The following KSR1 variants were observed in gnomAD, a reference collection of about 807,000 sequenced individuals.
KSR1 encodes the protein kinase suppressor of ras.
A neutral mutation model predicts 92.9 loss-of-function variants in KSR1; 35 were observed. The observed-to-expected ratio is 0.38, with a 90% confidence interval of 0.29 to 0.50. The LOEUF (loss-of-function observed/expected upper bound fraction) is 0.50. KSR1 is among the 20% of genes least tolerant of loss of function. KSR1 has a pLI of 0.94. For synonymous variants in KSR1, 467 were observed against 472.6 expected (o/e 0.99, Z 0.15); for missense variants, 972 against 1,158.5 (o/e 0.84, Z 2.34).
rs73983477 is a variant in KSR1 at position 27,573,139 on chromosome 17, C to G, written c.373-4353C>G. Reference sequence around the variant, plus strand: ...TCAGATTCTTCCCATGGGGTCTCCGCGCTTAGGCCTGGAAGCCCCATGTTC... The same window carrying G: ...TCAGATTCTTCCCATGGGGTCTCCGGGCTTAGGCCTGGAAGCCCCATGTTC... On this transcript the variant is annotated intron_variant, in intron 2 of 20. Coordinates refer to ENST00000644974, the MANE Select transcript of KSR1 (RefSeq NM_001394583.1). Among the ~76,000 whole-genome samples, 247 of 152,330 alleles carry G rather than the reference C, an allele frequency of 1.6e-3. 1 individual carries two copies. The highest frequency in any genetic ancestry group is 5.6e-3 in the African/African-American group (231 of 41,564).
At chr17:27,462,688 T>G (rs546442292) in intron 1 of KSR1, among the ~76,000 whole-genome samples, 11 of 152,342 alleles carry the variant, frequency 7.2e-5, no homozygotes, top group African/African-American at 2.2e-4. Flanking sequence ...TACTTTTAAT[T>G]AAAATATTTA....
intron 1 of KSR1, among the ~76,000 whole-genome samples, chr17:27,547,777 A>T (rs2071233930): frequency 1.3e-5 from 2 of 152,080 alleles, no homozygotes. Context: ...CAGTGGCATG[A>T]TCTTGGCTTC....
At chr17:27,560,729 A>C (rs2071794981) in intron 2 of KSR1, among the ~76,000 whole-genome samples, 1 of 152,188 alleles carries the variant, frequency 6.6e-6, no homozygotes, top group Non-Finnish European at 1.5e-5. Flanking sequence ...TTGAGTCGGC[A>C]TGACTATGGC....
chr17:27,549,621 A>C (rs116215492), intron 1 of KSR1, among the ~76,000 whole-genome samples: 1,656 of 152,318 alleles, frequency 0.011, 34 homozygotes, highest in African/African-American at 0.037. Context: ...TAGAAAATAC[A>C]CAGACTTGCA....
chr17:27,534,153 G>A (rs1351309140), intron 1 of KSR1, among the ~76,000 whole-genome samples: 3 of 152,300 alleles, frequency 2.0e-5, no homozygotes, highest in Admixed American at 6.5e-5. Flanking sequence ...AGTTTGGCTC[G>A]GGTGTGCCCA....
At chr17:27,510,890 T>C (rs1378198017) in intron 1 of KSR1, among the ~76,000 whole-genome samples, 1 of 152,226 alleles carries the variant, frequency 6.6e-6, no homozygotes, top group East Asian at 1.9e-4. Flanking sequence ...CAGAGTTATC[T>C]TGGTATGGAG....
intron 1 of KSR1, among the ~76,000 whole-genome samples, chr17:27,534,897 T>C (rs1201583072): frequency 1.3e-5 from 2 of 152,196 alleles, no homozygotes; most frequent in African/African-American, 4.8e-5. Context: ...CCATATCTCC[T>C]TCCTCTGACC....
At chr17:27,552,277 C>T (rs2071422911) in intron 2 of KSR1, among the ~76,000 whole-genome samples, 1 of 152,230 alleles carries the variant, frequency 6.6e-6, no homozygotes, top group South Asian at 2.1e-4. Context: ...CACCATGAGA[C>T]ACGGCCTTGC....
At chr17:27,469,920 T>C (rs1215260989) in intron 1 of KSR1, among the ~76,000 whole-genome samples, 2 of 152,132 alleles carry the variant, frequency 1.3e-5, no homozygotes, top group African/African-American at 4.8e-5. Flanking sequence ...TTTATTTTTG[T>C]TCCTATTCTG....
chr17:27,513,697 C>A (rs2069685054), intron 1 of KSR1, among the ~76,000 whole-genome samples: 1 of 152,160 alleles, frequency 6.6e-6, no homozygotes, highest in Admixed American at 6.5e-5. Context: ...GCATCGTTTT[C>A]CAGGTGTTGT....
At chr17:27,588,449 T>G (rs1254693871) in intron 5 of KSR1, 26 bp from the exon 6 acceptor site, 2 of 1,557,438 alleles carry the variant, frequency 1.3e-6, no homozygotes, top group Admixed American at 1.9e-5. Context: ...TTCCTCAGCC[T>G]GCCCATCCGG....
chr17:27,491,003 AAT>A (rs763669693), intron 1 of KSR1, among the ~76,000 whole-genome samples: 28 of 152,202 alleles, frequency 1.8e-4, no homozygotes, highest in Non-Finnish European at 3.5e-4. Flanking sequence ...GATGCAGAAC[AAT>A]ATATATAGTA....
At chr17:27,530,845 C>G (rs765928113) in intron 1 of KSR1, among the ~76,000 whole-genome samples, 3 of 152,180 alleles carry the variant, frequency 2.0e-5, no homozygotes, top group Non-Finnish European at 2.9e-5. Flanking sequence ...TTACGTAGTT[C>G]TTGCCATCCA....
At chr17:27,554,225 G>T (rs770521479) in intron 2 of KSR1, among the ~76,000 whole-genome samples, 1 of 152,082 alleles carries the variant, frequency 6.6e-6, no homozygotes, top group Non-Finnish European at 1.5e-5. Flanking sequence ...GAATTTTTGC[G>T]GTCAGACCTT....
At chr17:27,513,411 C>T (rs1444709264) in intron 1 of KSR1, among the ~76,000 whole-genome samples, 2 of 151,810 alleles carry the variant, frequency 1.3e-5, no homozygotes, top group African/African-American at 4.8e-5. Flanking sequence ...GGCAACATAG[C>T]AAGACTCCTT....
At chr17:27,604,238 C>T (rs1369479361) in intron 12 of KSR1, among the ~76,000 whole-genome samples, 1 of 152,182 alleles carries the variant, frequency 6.6e-6, no homozygotes, top group African/African-American at 2.4e-5. Context: ...GCATCTCACC[C>T]TCAGCGCGGT....
Position 27,609,208 on chromosome 17 carries a change from C to G in KSR1, c.2104C>G (p.Leu702Val). 6.2e-7 allele frequency: 1 copy of G among 1,613,876 alleles called. No homozygotes were observed. Among genetic ancestry groups the G allele is most frequent in the African/African-American group, 1.3e-5 (1 of 75,066 alleles). ...ATGTGTCCTCCAGGGCATGGGATAT[C>G]TTCATGCCAAGGGCATCGTACACAA... is the stretch of plus-strand genomic sequence containing the variant. ...AQEIIKGMGYLHAKGIVHKDL... is the reference protein window; with the variant it reads ...AQEIIKGMGYVHAKGIVHKDL... Residue 702 changes from leucine (L) to valine (V), a missense_variant, in exon 16 of 21, where the codon CTT becomes GTT. By Grantham distance (32) the Leu-to-Val change is conservative. This residue lies in a region of KSR1 where 260 missense variants were observed against 375.2 expected (regional missense o/e 0.69). Transcript: ENST00000644974.
chr17:27,516,457 G>A (rs532488611), intron 1 of KSR1, among the ~76,000 whole-genome samples: 1 of 152,140 alleles, frequency 6.6e-6, no homozygotes, highest in Non-Finnish European at 1.5e-5. Context: ...TGGAACAGAC[G>A]TCTTCATGTG....
chr17:27,494,255 G>A (rs1271919165), intron 1 of KSR1, among the ~76,000 whole-genome samples: 3 of 152,002 alleles, frequency 2.0e-5, no homozygotes, highest in African/African-American at 4.8e-5. Flanking sequence ...GTGTGGTTGC[G>A]TAATTCTATA....
Sources: allele counts gnomAD v4.1 joint callset (sites outside exome capture counted in the v4.1 genomes callset), GRCh38; gene constraint gnomAD v4.1.1; regional missense constraint gnomAD v4.1.1; transcripts MANE v1.5; gene names NCBI Gene and HGNC (gene_info 2026-07-23, HGNC 2026-07-21).